The following RGPD3 variants were observed in gnomAD, a reference collection of about 807,000 sequenced individuals.
RGPD3 encodes the protein ranBP2-like and GRIP domain-containing protein 3.
In RGPD3, 62 loss-of-function variants were observed where a neutral mutation model predicts 154.5. The ratio of observed to expected loss-of-function variants is 0.40; its 90% CI spans 0.33 to 0.50. RGPD3 has a LOEUF of 0.50. RGPD3 is among the 20% of genes least tolerant of loss of function. RGPD3 has a pLI of 0.59. For missense variants in RGPD3, 919 were observed against 1,716.8 expected (o/e 0.54, Z 8.21); for synonymous variants, 308 against 607.0 (o/e 0.51, Z 7.24).
upstream of RGPD3, among the ~76,000 whole-genome samples, chr2:106,468,729 C>G (rs1483271087): frequency 7.1e-6 from 1 of 140,766 alleles, no homozygotes; most frequent in Non-Finnish European, 1.5e-5. Context: ...TCGCTTGAAC[C>G]CAGGAGGTGG....
chr2:106,446,625 G>A (rs1677944982), intron 7 of RGPD3, among the ~76,000 whole-genome samples: 1 of 134,178 alleles, frequency 7.5e-6, no homozygotes, highest in African/African-American at 2.8e-5. Flanking sequence ...CCTCGCGCCT[G>A]TAATCCCAGC....
intron 8 of RGPD3, among the ~76,000 whole-genome samples, chr2:106,440,321 G>C (rs71257751): frequency 1.4e-5 from 2 of 143,608 alleles, no homozygotes; most frequent in South Asian, 4.5e-4. Flanking sequence ...ACCCTCCTTC[G>C]AGTTAATTCT....
intron 22 of RGPD3, among the ~76,000 whole-genome samples, chr2:106,405,588 CTGGTCTCAAATTCCTGGGCTCAAG>C (rs1238202380): frequency 6.6e-6 from 1 of 152,162 alleles, no homozygotes; most frequent in Non-Finnish European, 1.5e-5. Flanking sequence ...GTTTTCCAGG[CTGGTCTCAAATTCCTGGGCTCAAG>C]TGATCCTCCC....
chr2:106,467,811 C>T (rs1294763361), intron 1 of RGPD3, among the ~76,000 whole-genome samples: 1 of 136,760 alleles, frequency 7.3e-6, no homozygotes, highest in South Asian at 2.3e-4. Flanking sequence ...GTCGAGGCCG[C>T]GGCCTCAACA....
chr2:106,405,333 T>G, intron 22 of RGPD3, 104 bp from the exon 23 acceptor site: 1 of 1,179,234 alleles, frequency 8.5e-7, no homozygotes, highest in Non-Finnish European at 1.2e-6. Flanking sequence ...AATAATGTCT[T>G]TTTTACTGAT....
At chr2:106,430,254 T>C (rs1314049132) in intron 17 of RGPD3, among the ~76,000 whole-genome samples, 1 of 151,634 alleles carries the variant, frequency 6.6e-6, no homozygotes, top group Non-Finnish European at 1.5e-5. Context: ...TAAAATATGA[T>C]TCTTAATTTG....
At chr2:106,409,875 T>A (rs1165524134) in intron 22 of RGPD3, among the ~76,000 whole-genome samples, 1 of 145,550 alleles carries the variant, frequency 6.9e-6, no homozygotes, top group African/African-American at 2.6e-5. Context: ...AGTTTACTTT[T>A]TTTTTTTTTT....
Position 106,415,891 on chromosome 2 carries a change from C to A in RGPD3, c.5023G>T (p.Glu1675Ter). 6.2e-7 allele frequency: 1 copy of A among 1,611,856 alleles called. No individual in the cohort carries two copies. Among genetic ancestry groups the A allele is most frequent in the Non-Finnish European group, 8.5e-7 (1 of 1,179,846 alleles). ...SADHLNGLLR[E>*]IEATNAVLME... ...AGGACTGCATTGGTTGCCTCTATTT[C>A]CCGAAGCAGGCCGTTTAAGTGATCT... Residue 1675 changes from glutamate (E) to a stop codon, truncating the protein, a stop_gained, in exon 21 of 23, where the codon GAA becomes TAA. Coordinates refer to ENST00000409886, the MANE Select transcript of RGPD3 (RefSeq NM_001144013.2). LOFTEE classifies it high-confidence loss of function.
chr2:106,446,495 G>A lies in RGPD3; in HGVS notation c.978+923C>T, dbSNP rs1409174012. ...TGAGGCAGGAAAATGGCGTGAACTC[G>A]GGAGGTGGAGCTTGCAGTGAGCCAA... On this transcript the variant is annotated intron_variant, in intron 7 of 22. Coordinates refer to ENST00000409886, the MANE Select transcript of RGPD3 (RefSeq NM_001144013.2). 5.2e-5 allele frequency among the ~76,000 whole-genome samples: 7 copies of A among 134,216 alleles called. No homozygotes were observed. The East Asian group carries it at 7.7e-4, about 15-fold the overall frequency. 88.1% of individuals were successfully genotyped at this position (134,216 alleles called of 152,430 possible).
intron 22 of RGPD3, among the ~76,000 whole-genome samples, chr2:106,410,732 A>G (rs1297596460): frequency 2.0e-5 from 3 of 152,094 alleles, no homozygotes; most frequent in African/African-American, 7.2e-5. Context: ...CTAGAAGTAG[A>G]TTTCTTCTTT....
At position 106,404,454 on chromosome 2, in the gene RGPD3, G is replaced by GT. The variant is rs2104435961; in HGVS notation, c.*764dup. On this transcript the variant is annotated 3_prime_UTR_variant, in exon 23 of 23. Coordinates refer to ENST00000409886, the MANE Select transcript of RGPD3 (RefSeq NM_001144013.2). ...TTATTTTAAAGCAAATAACTAAACT[G>GT]TATTTTAACTTAGCACAATTAACTG... is the stretch of plus-strand genomic sequence containing the variant. Among the ~76,000 whole-genome samples, 1 of 143,140 alleles carries GT rather than the reference G, an allele frequency of 7.0e-6. No individual in the cohort carries two copies. The highest frequency in any genetic ancestry group is 2.7e-5 in the African/African-American group (1 of 37,340). 93.9% of individuals were successfully genotyped at this position (143,140 alleles called of 152,430 possible).
chr2:106,442,278 A>C (rs1677772057), intron 7 of RGPD3, among the ~76,000 whole-genome samples: 1 of 104,040 alleles, frequency 9.6e-6, no homozygotes, highest in African/African-American at 3.8e-5. Flanking sequence ...GAAATGGAAA[A>C]TTTAATTACA....
rs542874816 is a variant in RGPD3 at position 106,405,479 on chromosome 2, G to T, written c.5267-250C>A. 6.7e-5 allele frequency among the ~76,000 whole-genome samples: 10 copies of T among 149,158 alleles called. No homozygotes were observed. The East Asian group carries it at 1.8e-3, about 27-fold the overall frequency. On this transcript the variant is annotated intron_variant, in intron 22 of 22. Transcript: ENST00000409886. ...CAGCCTTGATCTCCCAGGCTCAAGT[G>T]ATTCTCCCACCTCAGCCTCCCAAGC...
Position 106,462,852 on chromosome 2 carries a change from C to A in RGPD3, c.73-3520G>T, listed in dbSNP as rs201856656. On this transcript the variant is annotated intron_variant, in intron 1 of 22. Coordinates refer to ENST00000409886, the MANE Select transcript of RGPD3 (RefSeq NM_001144013.2). ...AACAAGGGTGAAGGCCGTGATTATA[C>A]AGGACAATGAGGAAAAGTCTAGATA... 6.5e-4 allele frequency among the ~76,000 whole-genome samples: 98 copies of A among 150,720 alleles called. 1 individual carries two copies. The East Asian group carries it at 0.019, about 29-fold the overall frequency.
intron 6 of RGPD3, among the ~76,000 whole-genome samples, chr2:106,448,846 A>G (rs1342263601): frequency 1.3e-5 from 2 of 151,202 alleles, no homozygotes; most frequent in East Asian, 3.9e-4. Flanking sequence ...GCGTACCAAC[A>G]TGCCCAGCTA....
chr2:106,413,789 G>A (rs1180103248), intron 21 of RGPD3, among the ~76,000 whole-genome samples: 48 of 152,216 alleles, frequency 3.2e-4, no homozygotes, highest in African/African-American at 1.1e-3. Flanking sequence ...TAAATACTGG[G>A]GTTCTTGTCT....
intron 18 of RGPD3, among the ~76,000 whole-genome samples, chr2:106,427,028 C>G (rs1390585319): frequency 6.6e-6 from 1 of 151,470 alleles, no homozygotes; most frequent in African/African-American, 2.4e-5. Flanking sequence ...TGCAAGATGT[C>G]TGTCTGCATG....
rs1378905510 is a variant in RGPD3, at chr2:106,426,094, A to T, written c.2606-6T>A. 3.7e-5 allele frequency: 59 copies of T among 1,594,704 alleles called. No homozygotes were observed. Among genetic ancestry groups the T allele is most frequent in the Non-Finnish European group, 4.8e-5 (57 of 1,178,926 alleles). ...TGAAGGGCCAGTAGTTGCAACTAAA[A>T]AAAAAAAAGAAAAGAAAGAAAACAC... On this transcript the variant is annotated splice_region_variant and splice_polypyrimidine_tract_variant and intron_variant, in intron 18 of 22. Coordinates refer to ENST00000409886, the MANE Select transcript of RGPD3 (RefSeq NM_001144013.2).
At chr2:106,446,756 C>A (rs1257573162) in intron 7 of RGPD3, among the ~76,000 whole-genome samples, 3 of 151,124 alleles carry the variant, frequency 2.0e-5, no homozygotes, top group Admixed American at 6.6e-5. Flanking sequence ...GTAGCACGGG[C>A]CTGTAGTCCC....
Sources: gnomAD v4.1 joint callset for allele counts (sites outside exome capture counted in the v4.1 genomes callset) on GRCh38, gnomAD v4.1.1 for gene constraint, MANE v1.5 for transcripts, NCBI Gene and HGNC (gene_info 2026-07-23, HGNC 2026-07-21) for gene names.